The following PELP1 variants were observed in gnomAD, a reference collection of about 807,000 sequenced individuals.
The protein encoded by PELP1 is proline-, glutamic acid- and leucine-rich protein 1.
A neutral mutation model predicts 95.5 loss-of-function variants in PELP1; 32 were observed. The observed-to-expected ratio is 0.34, with a 90% CI of 0.25 to 0.45. PELP1 has a LOEUF of 0.45. PELP1 is among the 20% of genes least tolerant of loss of function. The pLI is 1.00. For synonymous variants in PELP1, 668 were observed against 600.1 expected (o/e 1.11, Z -1.65); for missense variants, 1,358 against 1,444.8 (o/e 0.94, Z 0.97).
chr17:4,675,832 T>C lies in PELP1; in HGVS notation c.1033A>G (p.Ile345Val). 2 of 1,589,904 alleles carry C rather than the reference T, an allele frequency of 1.3e-6. No individual in the cohort carries two copies. The highest frequency in any genetic ancestry group is 1.7e-6 in the Non-Finnish European group (2 of 1,168,104). The stretch of plus-strand genomic sequence containing the variant: ...CTACTGACGCTGAGGGTCCGGCAGA[T>C]GAAATCCAGGATTTCCTGCACAGGG... The part of the protein sequence containing the change: ...SVPVQEILDF[I>V]CRTLSVSSKN... The change falls in exon 9 of 17, where the codon ATC becomes GTC. Residue 345 changes from isoleucine (I) to valine (V), a missense_variant. By Grantham distance (29) the Ile-to-Val change is conservative (BLOSUM62 3). This residue lies in a region of PELP1 where 538 missense variants were observed against 628.1 expected (regional missense o/e 0.86). Transcript: ENST00000572293. The surrounding 1 kb of genome is among the most constrained non-coding windows in gnomAD (Gnocchi z 4.3).
Position 4,671,811 on chromosome 17 carries a change from A to T in PELP1, c.3180T>A (p.Ala1060=). ...TCTCCTCTTCCAACAGGGTTGGGGG[A>T]GCAGAGGGCTCTTCTTCAACAAGCT... is the stretch of plus-strand genomic sequence containing the variant. The part of the protein sequence containing the change: ...PQELVEEEPS[A]PPTLLEEETE... The change falls in exon 16 of 17, where the codon GCT becomes GCA. Residue 1060 remains alanine, a synonymous_variant. Transcript: ENST00000572293. 6.6e-7 allele frequency: 1 copy of T among 1,509,600 alleles called. No individual in the cohort carries two copies. Among genetic ancestry groups the T allele is most frequent in the Non-Finnish European group, 8.8e-7 (1 of 1,133,290 alleles). 93.5% of individuals were successfully genotyped at this position (1,509,600 alleles called of 1,614,324 possible). A position where few individuals can be genotyped will look rare whatever the true frequency, so the allele number is the denominator to read the frequency against.
intron 13 of PELP1, among the ~76,000 whole-genome samples, chr17:4,674,254 A>G (rs1912356589): frequency 6.6e-6 from 1 of 152,276 alleles, no homozygotes; most frequent in Admixed American, 6.5e-5. Flanking sequence ...GGCCGCCTGC[A>G]GCCCTGGCAA....
At position 4,683,430 on chromosome 17, in the gene PELP1, C is replaced by G. The variant is rs1173329893; in HGVS notation, c.421-478G>C. Among the ~76,000 whole-genome samples the G allele has an allele frequency of 1.4e-4, 21 of 151,170 alleles. No individual in the cohort carries two copies. In the East Asian group the frequency reaches 3.7e-3, roughly 27 times the overall value. On this transcript the variant is annotated intron_variant, in intron 3 of 16. Transcript: ENST00000572293. The stretch of plus-strand genomic sequence containing the variant: ...AGAGACGGGGTTTCACTATGTTAGC[C>G]AGGATGGTCTCGATCTCCGACCTCG...
At chr17:4,681,084 AG>A (rs1476054199) in intron 5 of PELP1, among the ~76,000 whole-genome samples, 3 of 152,246 alleles carry the variant, frequency 2.0e-5, no homozygotes, top group African/African-American at 7.2e-5. Flanking sequence ...GAAGCGACAG[AG>A]GGAGTTTAAA....
rs532240356 is a variant in PELP1 at position 4,672,878 on chromosome 17, T to C, written c.2113A>G (p.Thr705Ala). The C allele has an allele frequency of 6.2e-7, 1 of 1,613,646 alleles. No individual in the cohort carries two copies. Among genetic ancestry groups the C allele is most frequent in the Non-Finnish European group, 8.5e-7 (1 of 1,179,768 alleles). ...ACAGAAAGGCCTAGGTGGTTGGCTG[T>C]GGTGGGAGGTCCAGGGCGTGCCGAG... is the stretch of plus-strand genomic sequence containing the variant. ...VPSARPGPPT[T>A]ANHLGLSVPG... The change falls in exon 16 of 17, where the codon ACA becomes GCA. Residue 705 changes from threonine to alanine, a missense_variant. Transcript: ENST00000572293.
rs71147081 is a variant in PELP1 at position 4,695,667 on chromosome 17, T to TAAA, written c.250-4228_250-4226dup. Among the ~76,000 whole-genome samples, 292 of 62,574 alleles carry TAAA rather than the reference T, an allele frequency of 4.7e-3. 3 individuals are homozygous for TAAA. Among genetic ancestry groups the TAAA allele is most frequent in the African/African-American group, 0.015 (275 of 18,282 alleles). The allele number at this position is 62,574 out of a possible 152,430, so 41.1% of individuals were successfully genotyped here. ...GGCAAAAGAGTGAGACCCTCTCTCT[T>TAAA]AAAAAAAAAAAAAAAAAAAAAAAAA... On this transcript the variant is annotated intron_variant, in intron 1 of 16. Coordinates refer to ENST00000572293, the MANE Select transcript of PELP1 (RefSeq NM_014389.3).
intron 1 of PELP1, among the ~76,000 whole-genome samples, chr17:4,694,507 A>AAAAAAAAAAAAAAAAAAAAAAAC (rs1913221341): frequency 7.0e-6 from 1 of 143,392 alleles, no homozygotes; most frequent in African/African-American, 2.6e-5. Flanking sequence ...CAAAAAAAAA[A>AAAAAAAAAAAAAAAAAAAAAAAC]AAATCAGCCA....
intron 3 of PELP1, among the ~76,000 whole-genome samples, chr17:4,689,706 T>A (rs1392496008): frequency 1.3e-5 from 2 of 152,174 alleles, no homozygotes; most frequent in African/African-American, 4.8e-5. Context: ...CCAGCCTAAA[T>A]ACCCATCAAC....
At chr17:4,683,424 G>C (rs542884868) in intron 3 of PELP1, among the ~76,000 whole-genome samples, 21 of 151,364 alleles carry the variant, frequency 1.4e-4, no homozygotes, top group Admixed American at 4.6e-4. Context: ...GTTTCACTAT[G>C]TTAGCCAGGA....
Position 4,671,051 on chromosome 17 carries a change from T to G in PELP1, c.*388A>C, listed in dbSNP as rs1259015262. The G allele has an allele frequency of 4.2e-6, 1 of 236,482 alleles. No homozygotes were observed. The highest frequency in any genetic ancestry group is 8.2e-6 in the Non-Finnish European group (1 of 122,200). The allele number at this position is 236,482 out of a possible 1,614,324, so 14.6% of individuals were successfully genotyped here. A position where few individuals can be genotyped will look rare whatever the true frequency, so the allele number is the denominator to read the frequency against. ...ACGCATGCGTGTGGGCATGTGGGTGTTGACACAGGTCCACTCACTAGGATG... is the reference window on the plus strand; with the variant it reads ...ACGCATGCGTGTGGGCATGTGGGTGGTGACACAGGTCCACTCACTAGGATG... On this transcript the variant is annotated 3_prime_UTR_variant, in exon 17 of 17. Coordinates refer to ENST00000572293, the MANE Select transcript of PELP1 (RefSeq NM_014389.3).
In PELP1 at chr17:4,672,827, G is replaced by A. The variant is rs1359240669; in HGVS notation, c.2164C>T (p.Arg722Trp). The change falls in exon 16 of 17, where the codon CGG (arginine) becomes TGG (tryptophan). Residue 722 changes from arginine (R) to tryptophan (W), a missense_variant. Physicochemically the swap from Arg to Trp is moderately radical, Grantham distance 101 (BLOSUM62 -3). Around this residue, in one of 7 missense-constraint regions of PELP1, gnomAD observed 340 missense variants for 322.9 expected, o/e 1.05. Coordinates refer to ENST00000572293, the MANE Select transcript of PELP1 (RefSeq NM_014389.3). ...SVPGLVSVPP[R>W]LLPGPENHRA... is the part of the protein sequence containing the mutation. ...TGGTTCTCAGGGCCAGGAAGAAGCC[G>A]GGGAGGGACAGACACTAGGCCTGGG... 11 of 1,613,764 alleles carry A rather than the reference G, an allele frequency of 6.8e-6. No homozygotes were observed. The highest frequency in any genetic ancestry group is 2.2e-5 in the South Asian group (2 of 91,070).
chr17:4,677,372 C>A (rs1912524080), intron 5 of PELP1, among the ~76,000 whole-genome samples: 1 of 152,118 alleles, frequency 6.6e-6, no homozygotes, highest in South Asian at 2.1e-4. Flanking sequence ...GTTGGATATA[C>A]AATCATAGGG....
chr17:4,698,730 T>C (rs1036805266), intron 1 of PELP1, among the ~76,000 whole-genome samples: 1 of 138,926 alleles, frequency 7.2e-6, no homozygotes, highest in Non-Finnish European at 1.5e-5. Context: ...ACTAGAAATG[T>C]TGTTGTTGTT....
rs186163802 is a variant in PELP1, at chr17:4,681,577, G to A, written c.642+925C>T. Among the ~76,000 whole-genome samples the A allele has an allele frequency of 6.6e-5, 10 of 151,282 alleles. No individual in the cohort carries two copies. In the East Asian group the frequency reaches 7.8e-4, roughly 12 times the overall value. On this transcript the variant is annotated intron_variant, in intron 5 of 16. Transcript: ENST00000572293. ...AGCATTTTGGGAGGTCAAGGCGGGC[G>A]GATCACAAAGTCAAGAGATCGAGAC...
rs752497656 is a variant in PELP1, at chr17:4,673,240, TCA to T, written c.1845+8_1845+9del. 6.4e-7 allele frequency: 1 copy of T among 1,561,486 alleles called. No homozygotes were observed. Among genetic ancestry groups the T allele is most frequent in the East Asian group, 2.4e-5 (1 of 42,094 alleles). ...AGGAACCAAAGAGGGGCTTGGCCCA[TCA>T]CAGTTACCTCAAGGCTATCTTCTCG... On this transcript the variant is annotated splice_region_variant and intron_variant, in intron 15 of 16. Transcript: ENST00000572293. This position sits in a 1 kb window ranked among gnomAD's most constrained non-coding sequence, Gnocchi z 5.7.
At chr17:4,683,531 C>CTTTTTTTTTTTTTTTT (rs59870828) in intron 3 of PELP1, among the ~76,000 whole-genome samples, 7 of 96,570 alleles carry the variant, frequency 7.2e-5, no homozygotes, top group African/African-American at 2.7e-4. Flanking sequence ...GTTTTCTTTT[C>CTTTTTTTTTTTTTTTT]TTTTTTTTTT....
At chr17:4,674,759 T>C in intron 12 of PELP1, 50 bp downstream of exon 12, 1 of 1,588,346 alleles carries the variant, frequency 6.3e-7, no homozygotes, top group Non-Finnish European at 8.6e-7. Flanking sequence ...CAGGCACACT[T>C]GGTCAAAGGG....
rs1567668309 is a variant in PELP1, at chr17:4,695,325, A to AAATAAAT, written c.250-3884_250-3883insATTTATT. The stretch of plus-strand genomic sequence containing the variant: ...CAACAGAGTGAGACTCCGTCTGGAA[A>AAATAAAT]AAATAAATAAATAAAATGGCTAAAT... On this transcript the variant is annotated intron_variant, in intron 1 of 16. Transcript: ENST00000572293. Among the ~76,000 whole-genome samples, 493 of 150,298 alleles carry AAATAAAT rather than the reference A, an allele frequency of 3.3e-3. 3 individuals are homozygous for AAATAAAT. The highest frequency in any genetic ancestry group is 0.012 in the African/African-American group (469 of 40,694).
At chr17:4,680,540 A>C (rs1423266955) in intron 5 of PELP1, among the ~76,000 whole-genome samples, 1 of 152,198 alleles carries the variant, frequency 6.6e-6, no homozygotes, top group Non-Finnish European at 1.5e-5. Context: ...GGCCTCTCAA[A>C]GTGCTGGGAT....
Sources: allele counts gnomAD v4.1 joint callset (sites outside exome capture counted in the v4.1 genomes callset), GRCh38; gene constraint gnomAD v4.1.1; regional missense constraint gnomAD v4.1.1; non-coding constraint Gnocchi (gnomAD v3.1); transcripts MANE v1.5; gene names NCBI Gene and HGNC (gene_info 2026-07-23, HGNC 2026-07-21).